The following GNG12 variants were observed in gnomAD, a reference collection of about 807,000 sequenced individuals.
GNG12 encodes guanine nucleotide-binding protein G(I)/G(S)/G(O) subunit gamma-12.
For missense variants in GNG12, 69 were observed against 83.8 expected (o/e 0.82, Z 0.69); for synonymous variants, 28 against 29.7 (o/e 0.94, Z 0.19).
Position 67,718,986 on chromosome 1 carries a change from A to G in GNG12, c.-26-11274T>C, listed in dbSNP as rs1258422071. On this transcript the variant is annotated intron_variant, in intron 2 of 3. Coordinates refer to ENST00000370982, the MANE Select transcript of GNG12 (RefSeq NM_018841.6). ...TGAGGTAAGCTCTATTTTCATGCCCATTTTACAAACGAAGAAACTGAGGCA... is the reference window on the plus strand; with the variant it reads ...TGAGGTAAGCTCTATTTTCATGCCCGTTTTACAAACGAAGAAACTGAGGCA... Among the ~76,000 whole-genome samples the G allele has an allele frequency of 3.9e-5, 6 of 152,190 alleles. No individual in the cohort carries two copies. The East Asian group carries it at 1.2e-3, about 29-fold the overall frequency.
intron 2 of GNG12, among the ~76,000 whole-genome samples, chr1:67,718,361 T>TA (rs66580124): frequency 0.14 from 20,980 of 148,882 alleles, 1,869 homozygotes; most frequent in African/African-American, 0.26. Context: ...GTAGCCATAT[T>TA]AAAAAAAAAA....
At chr1:67,758,707 G>A (rs141587610) in intron 2 of GNG12, among the ~76,000 whole-genome samples, 179 of 152,254 alleles carry the variant, frequency 1.2e-3, no homozygotes, top group African/African-American at 4.1e-3. Flanking sequence ...AAAACATGAA[G>A]CAAATAAAAT....
chr1:67,721,562 T>G (rs1646356541), intron 2 of GNG12, among the ~76,000 whole-genome samples: 1 of 152,146 alleles, frequency 6.6e-6, no homozygotes, highest in Non-Finnish European at 1.5e-5. Flanking sequence ...AGAAGGATGA[T>G]CCAGCTATCA....
chr1:67,770,607 GGATGGC>G (rs1247307875), intron 2 of GNG12, among the ~76,000 whole-genome samples: 2 of 152,110 alleles, frequency 1.3e-5, no homozygotes, highest in Admixed American at 6.5e-5. Flanking sequence ...AGATGCTGAG[GGATGGC>G]AACAGCAGCA....
chr1:67,791,733 A>G (rs563464364), intron 1 of GNG12, among the ~76,000 whole-genome samples: 58 of 152,238 alleles, frequency 3.8e-4, no homozygotes, highest in Admixed American at 1.9e-3. Flanking sequence ...TGGATGACTT[A>G]AAGAGTTCCC....
intron 1 of GNG12, among the ~76,000 whole-genome samples, chr1:67,815,011 T>C (rs1005512735): frequency 6.6e-6 from 1 of 152,240 alleles, no homozygotes; most frequent in Non-Finnish European, 1.5e-5. Context: ...CCATTTTTCA[T>C]TTTTATCCAG....
chr1:67,833,022 A>C (rs1344427665), intron 1 of GNG12, among the ~76,000 whole-genome samples: 2 of 151,650 alleles, frequency 1.3e-5, no homozygotes, highest in East Asian at 2.0e-4. Context: ...AGCCCCAGCC[A>C]CAGCCGTGGG....
chr1:67,750,129 C>T (rs566498333), intron 2 of GNG12, among the ~76,000 whole-genome samples: 2 of 152,314 alleles, frequency 1.3e-5, no homozygotes, highest in Admixed American at 1.3e-4. Flanking sequence ...AAGCCTGAAC[C>T]TTTCCTAATA....
chr1:67,725,569 C>T lies in GNG12; in HGVS notation c.-26-17857G>A, dbSNP rs114297681. ...ATACAAGATGTTCCCAAGTCAACTT[C>T]TGACAGTTCTAACTCATTCCCTAAA... On this transcript the variant is annotated intron_variant, in intron 2 of 3. Transcript: ENST00000370982. Among the ~76,000 whole-genome samples the T allele has an allele frequency of 7.8e-3, 1,189 of 152,332 alleles. 9 individuals carry two copies. The highest frequency in any genetic ancestry group is 0.027 in the African/African-American group (1,111 of 41,576).
chr1:67,780,421 A>G (rs1646731019), intron 1 of GNG12, among the ~76,000 whole-genome samples: 1 of 152,138 alleles, frequency 6.6e-6, no homozygotes, highest in African/African-American at 2.4e-5. Flanking sequence ...GGTGTCTCCT[A>G]TATTTTAGAT....
At chr1:67,745,262 C>T (rs78677916) in intron 2 of GNG12, among the ~76,000 whole-genome samples, 1 of 152,298 alleles carries the variant, frequency 6.6e-6, no homozygotes, top group East Asian at 1.9e-4. Flanking sequence ...ATGTAGCAAG[C>T]CCACCACAAA....
At chr1:67,711,313 T>G (rs897259115) in intron 2 of GNG12, among the ~76,000 whole-genome samples, 1 of 152,098 alleles carries the variant, frequency 6.6e-6, no homozygotes, top group African/African-American at 2.4e-5. Context: ...TATAAACAGG[T>G]TGACAGGAGG....
At chr1:67,718,229 T>C (rs1191550182) in intron 2 of GNG12, among the ~76,000 whole-genome samples, 2 of 152,162 alleles carry the variant, frequency 1.3e-5, no homozygotes, top group Non-Finnish European at 2.9e-5. Flanking sequence ...CCGTCTACCC[T>C]CAACCTGACC....
intron 2 of GNG12, among the ~76,000 whole-genome samples, chr1:67,757,370 C>T (rs1414967222): frequency 6.6e-6 from 1 of 152,162 alleles, no homozygotes; most frequent in Non-Finnish European, 1.5e-5. Context: ...CATGAGGAAA[C>T]AGGCAGGAAG....
chr1:67,701,923 C>G lies in GNG12; in HGVS notation c.*3528G>C, dbSNP rs1438766290. On this transcript the variant is annotated 3_prime_UTR_variant, in exon 4 of 4. Coordinates refer to ENST00000370982, the MANE Select transcript of GNG12 (RefSeq NM_018841.6). The stretch of plus-strand genomic sequence containing the variant: ...TTATATCTGAAGCAGCTTATAGCAC[C>G]AACACGTTGGCAGGACCAGCAGAGG... 6.6e-6 allele frequency: 1 copy of G among 152,562 alleles called. No individual in the cohort carries two copies. The highest frequency in any genetic ancestry group is 1.5e-5 in the Non-Finnish European group (1 of 68,028). 9.5% of individuals were successfully genotyped at this position (152,562 alleles called of 1,614,324 possible). A position where few individuals can be genotyped will look rare whatever the true frequency, so the allele number is the denominator to read the frequency against.
chr1:67,814,129 TA>T (rs1358742074), intron 1 of GNG12, among the ~76,000 whole-genome samples: 3 of 152,040 alleles, frequency 2.0e-5, no homozygotes, highest in African/African-American at 7.2e-5. Context: ...TTCCCACCTT[TA>T]AAAGTAAAAA....
At chr1:67,772,251 T>G (rs931008424) in intron 2 of GNG12, among the ~76,000 whole-genome samples, 6 of 152,160 alleles carry the variant, frequency 3.9e-5, no homozygotes, top group Non-Finnish European at 8.8e-5. Flanking sequence ...GATTAAGAAC[T>G]ACTCCTGTAG....
At chr1:67,802,976 G>A (rs966143224) in intron 1 of GNG12, among the ~76,000 whole-genome samples, 1 of 152,230 alleles carries the variant, frequency 6.6e-6, no homozygotes, top group African/African-American at 2.4e-5. Flanking sequence ...GGTGTTAAGA[G>A]AGACCAAGAA....
chr1:67,709,765 C>A (rs536368824), intron 2 of GNG12, among the ~76,000 whole-genome samples: 2 of 143,418 alleles, frequency 1.4e-5, no homozygotes, highest in African/African-American at 2.6e-5. Context: ...AAGTAGGCAA[C>A]CTCACCCTGA....
Sources: gnomAD v4.1 joint callset for allele counts (sites outside exome capture counted in the v4.1 genomes callset) on GRCh38, gnomAD v4.1.1 for gene constraint, MANE v1.5 for transcripts, NCBI Gene and HGNC (gene_info 2026-07-23, HGNC 2026-07-21) for gene names.